Variants in ALG14 observed in about 807,000 individuals in gnomAD.
ALG14 encodes UDP-N-acetylglucosamine transferase subunit ALG14.
Under a neutral mutation model 22.8 loss-of-function variants are expected in ALG14, and 17 were observed. That is an observed-to-expected ratio of 0.75 (90% CI 0.51 to 1.12). The LOEUF (loss-of-function observed/expected upper bound fraction) is 1.12, where lower values mean the gene tolerates loss of function less well. Among genes scored for constraint, ALG14 ranks in the 50% most tolerant of loss-of-function variants. ALG14 has a pLI of 0.00. For missense variants in ALG14, 288 were observed against 271.8 expected (o/e 1.06, Z -0.42); for synonymous variants, 89 against 103.7 (o/e 0.86, Z 0.86).
At chr1:95,058,008 C>T (rs563598724) in intron 2 of ALG14, among the ~76,000 whole-genome samples, 5 of 151,838 alleles carry the variant, frequency 3.3e-5, no homozygotes, top group East Asian at 2.0e-4. Flanking sequence ...ATCTTCAGGC[C>T]GGGCATGGTG....
intron 3 of ALG14, among the ~76,000 whole-genome samples, chr1:95,002,872 C>T (rs1673104318): frequency 6.6e-6 from 1 of 152,176 alleles, no homozygotes; most frequent in African/African-American, 2.4e-5. Flanking sequence ...TCTTTGCCTT[C>T]CACGAAGTGT....
intron 3 of ALG14, among the ~76,000 whole-genome samples, chr1:95,025,983 A>G (rs936244213): frequency 6.6e-6 from 1 of 151,882 alleles, no homozygotes; most frequent in African/African-American, 2.4e-5. Flanking sequence ...CCCAGGCTGG[A>G]GTGCAGTGGT....
intron 2 of ALG14, among the ~76,000 whole-genome samples, chr1:95,028,364 T>C (rs568574320): frequency 6.6e-6 from 1 of 152,280 alleles, no homozygotes; most frequent in African/African-American, 2.4e-5. Flanking sequence ...GGCCACCATG[T>C]CCACCTAATT....
chr1:95,012,645 C>T (rs1339515266), intron 3 of ALG14, among the ~76,000 whole-genome samples: 1 of 152,238 alleles, frequency 6.6e-6, no homozygotes, highest in Non-Finnish European at 1.5e-5. Flanking sequence ...TTGAGAACAT[C>T]TGTGGTCCAT....
chr1:95,028,770 G>C (rs1210969240), intron 2 of ALG14, among the ~76,000 whole-genome samples: 1 of 152,086 alleles, frequency 6.6e-6, no homozygotes, highest in Admixed American at 6.6e-5. Context: ...CTGCACTCCA[G>C]CTTGGGTGAT....
At chr1:95,038,483 A>G (rs1331897454) in intron 2 of ALG14, among the ~76,000 whole-genome samples, 1 of 151,880 alleles carries the variant, frequency 6.6e-6, no homozygotes, top group African/African-American at 2.4e-5. Flanking sequence ...GTGAGACTCC[A>G]TCTCAAAAAC....
chr1:95,002,585 G>C (rs1673097513), intron 3 of ALG14, among the ~76,000 whole-genome samples: 1 of 152,232 alleles, frequency 6.6e-6, no homozygotes, highest in Non-Finnish European at 1.5e-5. Context: ...ATGTCAAAAT[G>C]ATGAAAAGTG....
intron 3 of ALG14, among the ~76,000 whole-genome samples, chr1:94,985,300 A>C (rs765146674): frequency 2.6e-5 from 4 of 152,202 alleles, no homozygotes; most frequent in Admixed American, 6.5e-5. Flanking sequence ...GGCACTACTA[A>C]TATTTTGGAC....
intron 2 of ALG14, among the ~76,000 whole-genome samples, chr1:95,036,419 CTTTTTTTTTTTTT>C (rs35068075): frequency 5.6e-5 from 4 of 71,860 alleles, no homozygotes; most frequent in Admixed American, 1.8e-4. Context: ...AATTAAACCT[CTTTTTTTTTTTTT>C]TTTTTTTTTT....
At chr1:95,018,217 TGAATTC>T (rs1235527051) in intron 3 of ALG14, among the ~76,000 whole-genome samples, 22 of 152,114 alleles carry the variant, frequency 1.4e-4, no homozygotes, top group Non-Finnish European at 2.8e-4. Flanking sequence ...ATATTCAGGA[TGAATTC>T]TCAATGAAAC....
At chr1:95,040,334 GC>G (rs1674340792) in intron 2 of ALG14, among the ~76,000 whole-genome samples, 1 of 152,094 alleles carries the variant, frequency 6.6e-6, no homozygotes, top group Admixed American at 6.6e-5. Context: ...CTCATATGTT[GC>G]TTCATGACAT....
intron 3 of ALG14, among the ~76,000 whole-genome samples, chr1:95,003,842 A>C (rs1239628235): frequency 6.6e-6 from 1 of 152,130 alleles, no homozygotes; most frequent in Non-Finnish European, 1.5e-5. Flanking sequence ...TCCATGGATA[A>C]ATTTATGACA....
chr1:95,033,114 G>T (rs1674064438), intron 2 of ALG14, among the ~76,000 whole-genome samples: 1 of 151,980 alleles, frequency 6.6e-6, no homozygotes, highest in African/African-American at 2.4e-5. Flanking sequence ...GTTTTTGTTA[G>T]TCTGTACCTT....
chr1:95,020,874 T>C (rs1673642230), intron 3 of ALG14, among the ~76,000 whole-genome samples: 1 of 152,200 alleles, frequency 6.6e-6, no homozygotes, highest in Non-Finnish European at 1.5e-5. Context: ...TTGCACAGCA[T>C]AGTGAATGTA....
chr1:95,024,284 T>C (rs568354232), intron 3 of ALG14, among the ~76,000 whole-genome samples: 7 of 152,178 alleles, frequency 4.6e-5, no homozygotes, highest in Non-Finnish European at 1.0e-4. Context: ...GCCTTTTAAA[T>C]AGGGTCTCTA....
intron 2 of ALG14, among the ~76,000 whole-genome samples, chr1:95,050,180 A>C (rs1196626105): frequency 6.6e-6 from 1 of 152,210 alleles, no homozygotes; most frequent in African/African-American, 2.4e-5. Flanking sequence ...TCTTCTGCCA[A>C]AGCACAAAGT....
rs928298555 is a variant in ALG14, at chr1:94,981,412, C to A, written c.*1664G>T. The A allele has an allele frequency of 6.7e-6, 1 of 150,190 alleles. No individual in the cohort carries two copies. Among genetic ancestry groups the A allele is most frequent in the Non-Finnish European group, 1.5e-5 (1 of 67,798 alleles). 9.3% of individuals were successfully genotyped at this position (150,190 alleles called of 1,614,324 possible). On this transcript the variant is annotated 3_prime_UTR_variant, in exon 4 of 4. Coordinates refer to ENST00000370205, the MANE Select transcript of ALG14 (RefSeq NM_144988.4). ...TAGGAAGATGTCCGGCTGACAGATG[C>A]GCCTGTTACATGATTCAGAGAAGAC...
intron 3 of ALG14, among the ~76,000 whole-genome samples, chr1:94,996,057 A>G (rs1044563249): frequency 6.6e-6 from 1 of 152,234 alleles, no homozygotes; most frequent in Non-Finnish European, 1.5e-5. Flanking sequence ...GGACTTCAGG[A>G]AAGCAATGAG....
chr1:95,065,182 C>T (rs868192843), intron 1 of ALG14, among the ~76,000 whole-genome samples, 165 bp from the exon 2 acceptor site: 1 of 152,086 alleles, frequency 6.6e-6, no homozygotes, highest in Non-Finnish European at 1.5e-5. Flanking sequence ...AATCTATGCC[C>T]TCGTATAAAT....
Sources: allele counts gnomAD v4.1 joint callset (sites outside exome capture counted in the v4.1 genomes callset), GRCh38; gene constraint gnomAD v4.1.1; transcripts MANE v1.5; gene names NCBI Gene and HGNC (gene_info 2026-07-23, HGNC 2026-07-21).